The following CAPS2 variants were observed in gnomAD, a reference collection of about 807,000 sequenced individuals.
The protein encoded by CAPS2 is calcyphosin-2.
Under a neutral mutation model 86.5 loss-of-function variants are expected in CAPS2, and 98 were observed. The observed-to-expected ratio is 1.13, with a 90% CI of 0.96 to 1.34. The LOEUF (loss-of-function observed/expected upper bound fraction) is 1.34. Among genes scored for constraint, CAPS2 ranks in the 40% most tolerant of loss-of-function variants. The pLI, the probability that CAPS2 is intolerant of heterozygous loss-of-function variation, is 0.00. For missense variants in CAPS2, 729 were observed against 686.8 expected (o/e 1.06, Z -0.69); for synonymous variants, 210 against 225.1 (o/e 0.93, Z 0.60).
At chr12:75,358,825 T>A (rs945954979) in intron 1 of CAPS2, among the ~76,000 whole-genome samples, 1 of 143,902 alleles carries the variant, frequency 6.9e-6, no homozygotes, top group Non-Finnish European at 1.5e-5. Flanking sequence ...TAAATATATA[T>A]AATATATAAC....
intron 11 of CAPS2, chr12:75,295,144 A>G (rs1321098691): frequency 6.6e-6 from 1 of 152,260 alleles, no homozygotes; most frequent in Non-Finnish European, 1.5e-5. Context: ...TTGAAAAAGA[A>G]AAACAACAAC....
At chr12:75,357,791 G>T (rs2043249343) in intron 1 of CAPS2, among the ~76,000 whole-genome samples, 1 of 151,698 alleles carries the variant, frequency 6.6e-6, no homozygotes, top group South Asian at 2.1e-4. Flanking sequence ...AAAGAAGTTA[G>T]AAAGTATGCT....
chr12:75,368,716 C>T (rs935461583), intron 1 of CAPS2, among the ~76,000 whole-genome samples: 1 of 151,854 alleles, frequency 6.6e-6, no homozygotes, highest in African/African-American at 2.4e-5. Context: ...AAAAAGTTGG[C>T]ATTTGGACAT....
chr12:75,314,005 C>T (rs1267005962), intron 6 of CAPS2, among the ~76,000 whole-genome samples: 4 of 152,028 alleles, frequency 2.6e-5, no homozygotes, highest in African/African-American at 4.8e-5. Context: ...CTGCAACCTC[C>T]GCCTCCCAGA....
chr12:75,279,162 T>G, intron 16 of CAPS2, 97 bp from the exon 17 acceptor site: 1 of 1,124,546 alleles, frequency 8.9e-7, no homozygotes, highest in South Asian at 1.7e-5. Flanking sequence ...TGAAATACTT[T>G]CAACAATTTG....
intron 5 of CAPS2, among the ~76,000 whole-genome samples, chr12:75,317,789 CCACA>C (rs1478681898): frequency 6.6e-6 from 1 of 151,958 alleles, no homozygotes; most frequent in Admixed American, 6.6e-5. Context: ...ACATCCATCA[CCACA>C]CATAGTTACC....
At chr12:75,279,553 A>C (rs1481688128) in intron 16 of CAPS2, among the ~76,000 whole-genome samples, 1 of 152,002 alleles carries the variant, frequency 6.6e-6, no homozygotes, top group African/African-American at 2.4e-5. Context: ...AATTAAGGTG[A>C]GAGTTAATTT....
intron 8 of CAPS2, among the ~76,000 whole-genome samples, chr12:75,301,505 T>C (rs923825818): frequency 1.3e-4 from 20 of 152,244 alleles, no homozygotes; most frequent in African/African-American, 4.1e-4. Flanking sequence ...CTACCACTTA[T>C]TGAGAATTTC....
At chr12:75,384,477 C>G (rs578172424) in intron 1 of CAPS2, among the ~76,000 whole-genome samples, 1 of 152,184 alleles carries the variant, frequency 6.6e-6, no homozygotes, top group South Asian at 2.1e-4. Context: ...TCTGAAGAGG[C>G]CTATTCCTAT....
chr12:75,373,996 T>C (rs531802649), intron 1 of CAPS2: 29 of 152,302 alleles, frequency 1.9e-4, no homozygotes, highest in African/African-American at 7.0e-4. Flanking sequence ...CAGTCAAACG[T>C]TCAGTTTCTA....
At chr12:75,374,672 A>G (rs76054078) in intron 1 of CAPS2, among the ~76,000 whole-genome samples, 68 of 152,376 alleles carry the variant, frequency 4.5e-4, no homozygotes, top group Non-Finnish European at 8.5e-4. Context: ...AGATTATGAC[A>G]TAAAGCTGGA....
chr12:75,295,057 C>T (rs2036656093), intron 11 of CAPS2: 1 of 151,728 alleles, frequency 6.6e-6, no homozygotes, highest in African/African-American at 2.4e-5. Context: ...TGAATGGGAC[C>T]AAAGGACAAA....
chr12:75,304,839 C>CA lies in CAPS2; in HGVS notation c.696dup (p.Glu233Ter). 2 of 1,611,952 alleles carry CA rather than the reference C, an allele frequency of 1.2e-6. No homozygotes were observed. Among genetic ancestry groups the CA allele is most frequent in the Non-Finnish European group, 1.7e-6 (2 of 1,179,452 alleles). Reference sequence around the variant, plus strand: ...AGGATATGATCACTTTCTTTTTGCTCAATGGCTAAATTTTGCTCTGGATCA... The same window carrying CA: ...AGGATATGATCACTTTCTTTTTGCTCAAATGGCTAAATTTTGCTCTGGATCA... On this transcript the variant is annotated frameshift_variant, in exon 8 of 17. Transcript: ENST00000393284. LOFTEE classifies it high-confidence loss of function.
intron 1 of CAPS2, chr12:75,390,337 T>C (rs1180581781): frequency 2.2e-6 from 1 of 456,168 alleles, no homozygotes; most frequent in Non-Finnish European, 4.4e-6. Context: ...ATGCCACAAT[T>C]AGTGAAAAAG....
intron 5 of CAPS2, 95 bp from the exon 6 acceptor site, chr12:75,316,529 T>A: frequency 1.8e-6 from 2 of 1,124,802 alleles, no homozygotes; most frequent in Non-Finnish European, 2.4e-6. Context: ...AATATCTCAG[T>A]GACTATTTGT....
At chr12:75,353,057 T>C (rs966835349) in intron 1 of CAPS2, among the ~76,000 whole-genome samples, 1 of 152,034 alleles carries the variant, frequency 6.6e-6, no homozygotes, top group African/African-American at 2.4e-5. Context: ...AGATCCCAAA[T>C]TGACATCCTA....
At chr12:75,369,886 A>G in intron 1 of CAPS2, 1 of 1,321,990 alleles carries the variant, frequency 7.6e-7, no homozygotes, top group South Asian at 1.8e-5. Context: ...CTTATTCTAA[A>G]AGCCATAAAA....
chr12:75,356,666 G>T (rs908449458), intron 1 of CAPS2, among the ~76,000 whole-genome samples: 1 of 152,228 alleles, frequency 6.6e-6, no homozygotes, highest in Non-Finnish European at 1.5e-5. Flanking sequence ...CAAATAAAAT[G>T]AATAAGATGA....
At chr12:75,344,232 C>T (rs1413102773) in intron 1 of CAPS2, among the ~76,000 whole-genome samples, 3 of 152,056 alleles carry the variant, frequency 2.0e-5, no homozygotes, top group African/African-American at 7.2e-5. Flanking sequence ...CTTCCCTTCC[C>T]TGGAAGTGGG....
Sources: gnomAD v4.1 joint callset for allele counts (sites outside exome capture counted in the v4.1 genomes callset) on GRCh38, gnomAD v4.1.1 for gene constraint, MANE v1.5 for transcripts, NCBI Gene and HGNC (gene_info 2026-07-23, HGNC 2026-07-21) for gene names.